The following GABRR3 variants were observed in gnomAD, a reference collection of about 807,000 sequenced individuals.
The protein encoded by GABRR3 is gamma-aminobutyric acid type A receptor subunit rho3, also known as gamma-aminobutyric acid receptor subunit rho-3.
In GABRR3, 29 loss-of-function variants were observed where a neutral mutation model predicts 43.2. The ratio of observed to expected loss-of-function variants is 0.67; its 90% CI spans 0.50 to 0.92. The LOEUF is 0.92. Ranked by LOEUF, GABRR3 falls within the 40% of genes least tolerant of loss-of-function variation. The pLI, the probability that GABRR3 is intolerant of heterozygous loss-of-function variation, is 0.00. For synonymous variants in GABRR3, 206 were observed against 195.9 expected (o/e 1.05, Z -0.43); for missense variants, 576 against 572.3 (o/e 1.01, Z -0.07).
chr3:98,035,106 G>A (rs1707135530), intron 1 of GABRR3, 84 bp downstream of exon 1: 1 of 1,251,360 alleles, frequency 8.0e-7, no homozygotes, highest in Non-Finnish European at 1.1e-6. Flanking sequence ...ATGCATTAGG[G>A]GAAAAAGAAA....
rs754910644 is a variant in GABRR3, at chr3:97,993,002, G to A, written c.954C>T (p.Ser318=). The A allele has an allele frequency of 5.2e-5, 84 of 1,612,508 alleles. No individual in the cohort carries two copies. The East Asian group carries it at 9.6e-4, about 18-fold the overall frequency. ...GGTAGGACACCTGGGGCATGGAGGC[G>A]CTCACAGCAGTGATGATTGTGGACA... Residue 318 remains serine, a synonymous_variant, in exon 9 of 10, where the codon AGC becomes AGT. Coordinates refer to ENST00000621172, the Ensembl canonical transcript of GABRR3.
chr3:98,026,609 T>TCATCATCATCATCATCATTAG (rs1707021370), intron 2 of GABRR3, among the ~76,000 whole-genome samples: 1 of 135,958 alleles, frequency 7.4e-6, no homozygotes, highest in Non-Finnish European at 1.6e-5. Flanking sequence ...GCTGTCATCA[T>TCATCATCATCATCATCATTAG]CATCATCATC....
chr3:98,026,602 G>GTCATCATCA (rs367904103), intron 2 of GABRR3, among the ~76,000 whole-genome samples: 9 of 101,528 alleles, frequency 8.9e-5, no homozygotes, highest in Admixed American at 1.9e-4. Flanking sequence ...AAAGGTGGCT[G>GTCATCATCA]TCATCATCAT....
At chr3:98,022,755 T>A (rs936146499) in intron 3 of GABRR3, among the ~76,000 whole-genome samples, 1 of 152,132 alleles carries the variant, frequency 6.6e-6, no homozygotes, top group Non-Finnish European at 1.5e-5. Context: ...GTCAGAAAAA[T>A]TTCTTAATCA....
At chr3:97,989,021 G>A (rs915876064) in intron 9 of GABRR3, among the ~76,000 whole-genome samples, 12 of 149,528 alleles carry the variant, frequency 8.0e-5, no homozygotes, top group Middle Eastern at 3.6e-3. Flanking sequence ...ATGGTGGTGC[G>A]GGTATATGGT....
At chr3:98,012,954 T>C (rs72918424) in intron 4 of GABRR3, among the ~76,000 whole-genome samples, 1,543 of 152,354 alleles carry the variant, frequency 0.01, 26 homozygotes, top group African/African-American at 0.035. Flanking sequence ...TTATTCTAAA[T>C]CACTTTTAAA....
intron 3 of GABRR3, among the ~76,000 whole-genome samples, chr3:98,020,931 G>A (rs1312699871): frequency 6.9e-6 from 1 of 145,944 alleles, no homozygotes; most frequent in African/African-American, 2.6e-5. Context: ...GTGTAATCTC[G>A]GCTCACGGCA....
chr3:98,008,821 AGC>A, intron 6 of GABRR3, 133 bp downstream of exon 6: 1 of 343,742 alleles, frequency 2.9e-6, no homozygotes, highest in South Asian at 7.0e-5. Context: ...AAAAAAAAGA[AGC>A]CACAATTGTT....
intron 3 of GABRR3, among the ~76,000 whole-genome samples, chr3:98,022,318 A>C (rs1485055307): frequency 1.3e-5 from 2 of 152,224 alleles, no homozygotes; most frequent in Non-Finnish European, 2.9e-5. Context: ...TTTCCACATA[A>C]TGAGTCAATT....
chr3:98,018,437 C>G (rs1053719357), intron 3 of GABRR3, among the ~76,000 whole-genome samples: 1 of 152,310 alleles, frequency 6.6e-6, no homozygotes, highest in East Asian at 1.9e-4. Flanking sequence ...AGACAGAGCA[C>G]TGCTGACACT....
At chr3:97,997,972 C>T (rs956675599) in intron 8 of GABRR3, 1 of 152,042 alleles carries the variant, frequency 6.6e-6, no homozygotes, top group Non-Finnish European at 1.5e-5. Context: ...CAAATTAGAA[C>T]TCTCTAACAG....
At chr3:98,009,667 T>C (rs1367815894) in intron 5 of GABRR3, among the ~76,000 whole-genome samples, 1 of 152,180 alleles carries the variant, frequency 6.6e-6, no homozygotes, top group Non-Finnish European at 1.5e-5. Flanking sequence ...TGCTGTACTA[T>C]GATCTTGCCT....
chr3:98,017,961 C>T (rs1332756036), intron 3 of GABRR3, among the ~76,000 whole-genome samples: 2 of 149,864 alleles, frequency 1.3e-5, no homozygotes, highest in African/African-American at 2.5e-5. Context: ...GGGATCATGC[C>T]AATAATTTCC....
chr3:97,992,379 C>T (rs932845958), intron 9 of GABRR3, among the ~76,000 whole-genome samples: 1 of 152,230 alleles, frequency 6.6e-6, no homozygotes, highest in Non-Finnish European at 1.5e-5. Context: ...TGACCTTGGC[C>T]AAATTACCAC....
At chr3:98,001,421 G>A (rs9653929) in intron 8 of GABRR3, 194 bp downstream of exon 8, 218,460 of 579,012 alleles carry the variant, frequency 0.38, 42,490 homozygotes, top group East Asian at 0.53. Context: ...CCTAAAATCC[G>A]GGTTCCCAAG....
chr3:98,025,760 C>T, intron 2 of GABRR3, 81 bp from the exon 3 acceptor site: 1 of 849,750 alleles, frequency 1.2e-6, no homozygotes. Flanking sequence ...CATCTGTGCT[C>T]AACATAACAT....
intron 7 of GABRR3, among the ~76,000 whole-genome samples, chr3:98,004,903 T>G (rs1388061179): frequency 2.0e-5 from 3 of 151,994 alleles, no homozygotes; most frequent in African/African-American, 7.3e-5. Flanking sequence ...AAAAGACACT[T>G]GAGTTTGTCA....
At chr3:97,993,846 G>C (rs1576035977) in intron 8 of GABRR3, among the ~76,000 whole-genome samples, 1 of 130,196 alleles carries the variant, frequency 7.7e-6, no homozygotes, top group African/African-American at 2.9e-5. Context: ...TTACTTCTTT[G>C]TTCTCTGGCA....
intron 4 of GABRR3, 83 bp downstream of exon 4, chr3:98,017,572 G>A (rs1433692382): frequency 3.2e-6 from 3 of 928,734 alleles, no homozygotes; most frequent in Non-Finnish European, 5.1e-6. Context: ...TAATTAAAAT[G>A]ATTTATTAAA....
Sources: gnomAD v4.1 joint callset for allele counts (sites outside exome capture counted in the v4.1 genomes callset) on GRCh38, gnomAD v4.1.1 for gene constraint, MANE v1.5 for transcripts, NCBI Gene and HGNC (gene_info 2026-07-23, HGNC 2026-07-21) for gene names.